The following AGL variants were observed in gnomAD, a reference collection of about 807,000 sequenced individuals.
The protein encoded by AGL is amylo-alpha-1,6-glucosidase and 4-alpha-glucanotransferase, also known as glycogen debranching enzyme.
In AGL, 128 loss-of-function variants were observed where a neutral mutation model predicts 199.3. The ratio of observed to expected loss-of-function variants is 0.64; its 90% CI spans 0.56 to 0.74. The LOEUF (loss-of-function observed/expected upper bound fraction) is 0.74. Ranked by LOEUF, AGL falls within the 30% of genes least tolerant of loss-of-function variation. The probability of loss-of-function intolerance (pLI) is 0.00; values close to 1 mark genes in which losing one functional copy is unlikely to be tolerated. For missense variants in AGL, 1,809 were observed against 1,820.8 expected (o/e 0.99, Z 0.12); for synonymous variants, 584 against 594.7 (o/e 0.98, Z 0.26).
chr1:99,905,626 A>G (rs1007445807), intron 27 of AGL, among the ~76,000 whole-genome samples: 3 of 152,122 alleles, frequency 2.0e-5, no homozygotes, highest in Admixed American at 6.5e-5. Context: ...CTGAGACTGG[A>G]TGGCAGTGGT....
At chr1:99,896,465 T>C in intron 25 of AGL, 77 bp downstream of exon 25, 1 of 1,113,140 alleles carries the variant, frequency 9.0e-7, no homozygotes, top group South Asian at 1.2e-5. Flanking sequence ...CTTTCCTTCT[T>C]GTCCATCTTT....
chr1:99,866,821 A>AT (rs1285656839), intron 5 of AGL, among the ~76,000 whole-genome samples: 17 of 63,852 alleles, frequency 2.7e-4, no homozygotes, highest in African/African-American at 6.8e-4. Context: ...TATTTTATTT[A>AT]TTTTATTTTT....
chr1:99,916,959 C>T (rs1372912812), intron 33 of AGL, among the ~76,000 whole-genome samples: 2 of 152,042 alleles, frequency 1.3e-5, no homozygotes. Context: ...GCGATTTATA[C>T]ATGTGGAATA....
Position 99,916,505 on chromosome 1 carries a change from T to C in AGL, c.4347+8T>C. 2 of 1,608,630 alleles carry C rather than the reference T, an allele frequency of 1.2e-6. No homozygotes were observed. Among genetic ancestry groups the C allele is most frequent in the Non-Finnish European group, 1.7e-6 (2 of 1,175,786 alleles). Reference sequence around the variant, plus strand: ...AATTATCACCAAGGACCTGTAAGAATTTCATTTATCTTCTGAGTTTCAGTT... The same window carrying C: ...AATTATCACCAAGGACCTGTAAGAACTTCATTTATCTTCTGAGTTTCAGTT... On this transcript the variant is annotated splice_region_variant and intron_variant, in intron 32 of 33. Transcript: ENST00000361915.
chr1:99,912,642 T>G (rs1654831995), intron 29 of AGL, 125 bp downstream of exon 29: 1 of 759,578 alleles, frequency 1.3e-6, no homozygotes, highest in Admixed American at 2.7e-5. Flanking sequence ...AGAAAGAAAA[T>G]TCATTAATTT....
chr1:99,887,934 A>T, intron 20 of AGL, 44 bp from the exon 21 acceptor site: 1 of 1,608,490 alleles, frequency 6.2e-7, no homozygotes, highest in Non-Finnish European at 8.5e-7. Context: ...ATTGACAACA[A>T]GCGAAACTTC....
chr1:99,915,788 A>ACG (rs976785804), intron 31 of AGL, among the ~76,000 whole-genome samples: 1 of 151,686 alleles, frequency 6.6e-6, no homozygotes, highest in East Asian at 1.9e-4. Flanking sequence ...ACACACACAC[A>ACG]CGCACACACA....
At position 99,880,618 on chromosome 1, in the gene AGL, G is replaced by A. The variant is rs778123862; in HGVS notation, c.1736-14G>A. The A allele has an allele frequency of 7.4e-6, 12 of 1,613,112 alleles. No homozygotes were observed. In the South Asian group the frequency reaches 1.3e-4, roughly 18 times the overall value. On this transcript the variant is annotated splice_polypyrimidine_tract_variant and intron_variant, in intron 13 of 33. Coordinates refer to ENST00000361915, the MANE Select transcript of AGL (RefSeq NM_000642.3). ...ATAATGAAGATTGTTAAAATATTCT[G>A]TAATGCTCTGCAGAGGCAATGAGTG...
At chr1:99,906,187 AAATTC>A (rs1654277787) in intron 27 of AGL, among the ~76,000 whole-genome samples, 1 of 152,106 alleles carries the variant, frequency 6.6e-6, no homozygotes, top group South Asian at 2.1e-4. Flanking sequence ...CTGCCTCTAT[AAATTC>A]AATTATCCTA....
intron 25 of AGL, among the ~76,000 whole-genome samples, chr1:99,897,334 T>G (rs1427062241): frequency 6.6e-6 from 1 of 152,130 alleles, no homozygotes; most frequent in Non-Finnish European, 1.5e-5. Flanking sequence ...CAGAAATCTG[T>G]GTTTTCACAA....
chr1:99,913,270 T>C (rs191025270), intron 29 of AGL, among the ~76,000 whole-genome samples: 56 of 152,260 alleles, frequency 3.7e-4, no homozygotes, highest in African/African-American at 1.3e-3. Flanking sequence ...ATATAAGATA[T>C]TGTTTCAACA....
rs1655143818 is a variant in AGL at position 99,916,691 on chromosome 1, G to T, written c.4441G>T (p.Val1481Phe). 6.2e-7 allele frequency: 1 copy of T among 1,613,308 alleles called. No individual in the cohort carries two copies. Among genetic ancestry groups the T allele is most frequent in the Non-Finnish European group, 8.5e-7 (1 of 1,179,602 alleles). ...GACTACTGCAAAGACTATAGTTTTG[G>T]TTAAAAATGTTCTTTCCCGACATTA... is the stretch of plus-strand genomic sequence containing the variant. ...PETTAKTIVL[V>F]KNVLSRHYVH... The change falls in exon 33 of 34, where the codon GTT becomes TTT. Residue 1481 changes from valine to phenylalanine, a missense_variant. By Grantham distance (50) the Val-to-Phe change is conservative. Transcript: ENST00000361915.
At chr1:99,862,853 C>T (rs984705844) in intron 4 of AGL, among the ~76,000 whole-genome samples, 4 of 152,082 alleles carry the variant, frequency 2.6e-5, no homozygotes, top group Non-Finnish European at 4.4e-5. Flanking sequence ...GAGATTTGGG[C>T]AGGGACACAA....
chr1:99,898,779 A>G, intron 25 of AGL, among the ~76,000 whole-genome samples: 1 of 152,088 alleles, frequency 6.6e-6, no homozygotes, highest in East Asian at 1.9e-4. Context: ...TACACTTAAC[A>G]TGCATCAGTT....
chr1:99,852,468 C>T (rs1649044544), intron 2 of AGL: 2 of 541,792 alleles, frequency 3.7e-6, no homozygotes, highest in South Asian at 4.3e-5. Flanking sequence ...TTCCTGGGCT[C>T]AAGCAGTTCT....
chr1:99,885,512 C>G (rs897745528), intron 20 of AGL, among the ~76,000 whole-genome samples: 3 of 152,226 alleles, frequency 2.0e-5, no homozygotes, highest in African/African-American at 7.2e-5. Flanking sequence ...CTGTTAGGAA[C>G]CAGGCCGCAC....
chr1:99,852,045 C>T (rs1648995472), intron 2 of AGL, among the ~76,000 whole-genome samples: 1 of 152,074 alleles, frequency 6.6e-6, no homozygotes, highest in South Asian at 2.1e-4. Context: ...TTTCCCCCTC[C>T]CCTGTTGCAT....
At chr1:99,849,913 T>C (rs1323467071), upstream of AGL, among the ~76,000 whole-genome samples, 1 of 152,150 alleles carries the variant, frequency 6.6e-6, no homozygotes, top group East Asian at 1.9e-4. Context: ...GCTCGCAGGC[T>C]GTTAAAGGAA....
intron 25 of AGL, among the ~76,000 whole-genome samples, chr1:99,899,773 A>C (rs1197376135): frequency 2.6e-5 from 4 of 151,890 alleles, no homozygotes; most frequent in Non-Finnish European, 5.9e-5. Flanking sequence ...GGTGCCTGCC[A>C]CTACGCCCGG....
Sources: allele counts gnomAD v4.1 joint callset (sites outside exome capture counted in the v4.1 genomes callset), GRCh38; gene constraint gnomAD v4.1.1; transcripts MANE v1.5; gene names NCBI Gene and HGNC (gene_info 2026-07-23, HGNC 2026-07-21).